The following CCDC73 variants were observed in gnomAD, a reference collection of about 807,000 sequenced individuals.
CCDC73 encodes coiled-coil domain containing 73.
Under a neutral mutation model 116.5 loss-of-function variants are expected in CCDC73, and 95 were observed. That is an observed-to-expected ratio of 0.82 (90% CI 0.69 to 0.97). The LOEUF is 0.97. Ranked by LOEUF, CCDC73 falls within the 50% of genes least tolerant of loss-of-function variation. CCDC73 has a pLI of 0.00. For missense variants in CCDC73, 1,066 were observed against 1,206.8 expected (o/e 0.88, Z 1.73); for synonymous variants, 398 against 401.3 (o/e 0.99, Z 0.10).
intron 6 of CCDC73, among the ~76,000 whole-genome samples, chr11:32,690,140 A>G (rs1232353397): frequency 6.6e-6 from 1 of 151,806 alleles, no homozygotes; most frequent in Non-Finnish European, 1.5e-5. Context: ...CTCGTTGGGG[A>G]AGGTAATACT....
At chr11:32,704,644 C>T (rs1846414702) in intron 3 of CCDC73, among the ~76,000 whole-genome samples, 2 of 152,180 alleles carry the variant, frequency 1.3e-5, no homozygotes, top group African/African-American at 4.8e-5. Flanking sequence ...ACCTTCAAGC[C>T]AGGGATAGCC....
the CCDC73 span, among the ~76,000 whole-genome samples, chr11:32,802,177 T>C: frequency 1.3e-5 from 2 of 152,226 alleles, no homozygotes; most frequent in Non-Finnish European, 2.9e-5. Flanking sequence ...ACTTCATAGA[T>C]GACTGCCTGC....
At chr11:32,821,856 AG>A in the CCDC73 span, among the ~76,000 whole-genome samples, 1 of 152,336 alleles carries the variant, frequency 6.6e-6, no homozygotes, top group African/African-American at 2.4e-5. Flanking sequence ...CATTAAACAA[AG>A]ATCTTATTTG....
At chr11:32,603,072 A>G (rs1372587428) in intron 17 of CCDC73, 52 bp from the exon 18 acceptor site, 9 of 1,443,956 alleles carry the variant, frequency 6.2e-6, no homozygotes, top group Admixed American at 2.1e-5. Context: ...AAAAGATTTT[A>G]AAGAGTCTGT....
At chr11:32,612,997 C>G (rs1855435610) in intron 16 of CCDC73, among the ~76,000 whole-genome samples, 1 of 152,032 alleles carries the variant, frequency 6.6e-6, no homozygotes, top group Admixed American at 6.6e-5. Flanking sequence ...TTTCAACTGA[C>G]AAATACTGGT....
chr11:32,734,943 G>C lies in CCDC73; in HGVS notation c.136-16796C>G, dbSNP rs528020490. On this transcript the variant is annotated intron_variant, in intron 2 of 17. Transcript: ENST00000335185. ...CCACATGATTATCTCAATAGATGCA[G>C]AAAAGGCCTTTGACAAAATTCAACA... 5.1e-4 allele frequency among the ~76,000 whole-genome samples: 78 copies of C among 152,268 alleles called. No individual in the cohort carries two copies. In the South Asian group the frequency reaches 6.4e-3, roughly 13 times the overall value.
chr11:32,629,936 A>AAC (rs1245227406), intron 14 of CCDC73, among the ~76,000 whole-genome samples: 34 of 145,056 alleles, frequency 2.3e-4, no homozygotes, highest in African/African-American at 8.3e-4. Context: ...AAAAAAAAAC[A>AAC]AAAAAAAAAC....
chr11:32,683,437 TA>T lies in CCDC73; in HGVS notation c.429+98del, dbSNP rs2133295480. On this transcript the variant is annotated intron_variant, in intron 7 of 17. Coordinates refer to ENST00000335185, the MANE Select transcript of CCDC73 (RefSeq NM_001008391.4). ...GACAGTAATATTCAGTTTCAACAATTAATTTTTTCACTATAAATGTCACATT... is the reference window on the plus strand; with the variant it reads ...GACAGTAATATTCAGTTTCAACAATTATTTTTTCACTATAAATGTCACATT... The T allele has an allele frequency of 7.2e-5, 57 of 788,846 alleles. No homozygotes were observed. The South Asian group carries it at 7.8e-4, about 11-fold the overall frequency. 48.9% of individuals were successfully genotyped at this position (788,846 alleles called of 1,614,324 possible).
At chr11:32,661,544 T>G (rs271020) in intron 9 of CCDC73, among the ~76,000 whole-genome samples, 23,030 of 148,818 alleles carry the variant, frequency 0.15, 2,346 homozygotes, top group Non-Finnish European at 0.22. Context: ...AGTGAGAACA[T>G]GCGGTGTTTG....
chr11:32,698,010 A>ATTTTTTTTTTTTTTTTTTT lies in CCDC73; in HGVS notation c.390+1240_390+1241insAAAAAAAAAAAAAAAAAAA, dbSNP rs1849771437. On this transcript the variant is annotated intron_variant, in intron 6 of 17. Coordinates refer to ENST00000335185, the MANE Select transcript of CCDC73 (RefSeq NM_001008391.4). Reference sequence around the variant, plus strand: ...TCTGTTGTTTCTTTGTCTAACACTGAATTTTTTTTTTTTTTTTTTTTTTTT... The same window carrying ATTTTTTTTTTTTTTTTTTT: ...TCTGTTGTTTCTTTGTCTAACACTGATTTTTTTTTTTTTTTTTTTATTTTTTTTTTTTTTTTTTTTTTTT... 2.5e-5 allele frequency among the ~76,000 whole-genome samples: 3 copies of ATTTTTTTTTTTTTTTTTTT among 117,758 alleles called. 1 individual carries two copies. Among genetic ancestry groups the ATTTTTTTTTTTTTTTTTTT allele is most frequent in the Non-Finnish European group, 3.4e-5 (2 of 58,050 alleles). 77.3% of individuals were successfully genotyped at this position (117,758 alleles called of 152,430 possible).
chr11:32,745,210 C>G (rs533696947), intron 2 of CCDC73, among the ~76,000 whole-genome samples: 4 of 152,182 alleles, frequency 2.6e-5, no homozygotes, highest in African/African-American at 9.6e-5. Flanking sequence ...TGTAGTTGAG[C>G]AGTTTTGAGT....
intron 2 of CCDC73, among the ~76,000 whole-genome samples, chr11:32,751,616 G>A (rs1266648023): frequency 6.6e-6 from 1 of 152,142 alleles, no homozygotes; most frequent in Non-Finnish European, 1.5e-5. Context: ...TCCTTGAACC[G>A]CACAGATTGT....
At chr11:32,781,009 C>T (rs1012193843) in intron 1 of CCDC73, among the ~76,000 whole-genome samples, 2 of 152,146 alleles carry the variant, frequency 1.3e-5, no homozygotes, top group Admixed American at 6.5e-5. Flanking sequence ...GTGGTGCATG[C>T]CTGCAGTCCC....
intron 6 of CCDC73, among the ~76,000 whole-genome samples, chr11:32,693,415 G>C (rs776378416): frequency 6.6e-6 from 1 of 152,206 alleles, no homozygotes; most frequent in Non-Finnish European, 1.5e-5. Context: ...AGCAGACCAT[G>C]AGGTATCCTA....
chr11:32,608,036 T>G (rs1422440803), intron 17 of CCDC73, among the ~76,000 whole-genome samples: 1 of 152,048 alleles, frequency 6.6e-6, no homozygotes, highest in Non-Finnish European at 1.5e-5. Flanking sequence ...CCCCCCACGA[T>G]TCTATTACCT....
At chr11:32,604,079 T>C (rs927022340) in intron 17 of CCDC73, 1 of 152,052 alleles carries the variant, frequency 6.6e-6, no homozygotes, top group African/African-American at 2.4e-5. Context: ...AAATAAATAA[T>C]AGATAAAACA....
At chr11:32,626,060 T>C (rs1361283539) in intron 14 of CCDC73, among the ~76,000 whole-genome samples, 1 of 147,584 alleles carries the variant, frequency 6.8e-6, no homozygotes, top group African/African-American at 2.5e-5. Flanking sequence ...GCAGATGACA[T>C]GATTGTATGT....
chr11:32,655,096 A>AAAGTGTATTTTCCCT, intron 9 of CCDC73, 124 bp from the exon 10 acceptor site: 1 of 519,302 alleles, frequency 1.9e-6, no homozygotes, highest in Non-Finnish European at 3.1e-6. Context: ...ATTCCCTTGC[A>AAAGTGTATTTTCCCT]AGTTCCCTTG....
At chr11:32,754,495 C>A (rs561529363) in intron 2 of CCDC73, among the ~76,000 whole-genome samples, 2 of 152,164 alleles carry the variant, frequency 1.3e-5, no homozygotes, top group South Asian at 2.1e-4. Context: ...CTCAAAAAAA[C>A]CACAGCTGAA....
Sources: gnomAD v4.1 joint callset for allele counts (sites outside exome capture counted in the v4.1 genomes callset) on GRCh38, gnomAD v4.1.1 for gene constraint, MANE v1.5 for transcripts, NCBI Gene and HGNC (gene_info 2026-07-23, HGNC 2026-07-21) for gene names.